Variants in HNRNPL observed in about 807,000 individuals in gnomAD.
HNRNPL encodes the protein heterogeneous nuclear ribonucleoprotein L, also known as epididymis secretory sperm binding protein.
In HNRNPL, 12 loss-of-function variants were observed where a neutral mutation model predicts 64.0. The ratio of observed to expected loss-of-function variants is 0.19; its 90% confidence interval spans 0.12 to 0.30. The LOEUF (loss-of-function observed/expected upper bound fraction) is 0.30. Ranked by LOEUF, HNRNPL falls within the 10% of genes least tolerant of loss-of-function variation. The probability of loss-of-function intolerance (pLI) is 1.00; values close to 1 mark genes in which losing one functional copy is unlikely to be tolerated. For synonymous variants in HNRNPL, 385 were observed against 313.0 expected (o/e 1.23, Z -2.43); for missense variants, 484 against 797.4 (o/e 0.61, Z 4.73).
chr19:38,837,568 CAAG>C, intron 11 of HNRNPL, 23 bp downstream of exon 11: 2 of 1,613,364 alleles, frequency 1.2e-6, no homozygotes, highest in Non-Finnish European at 1.7e-6. Context: ...GCAATTAGGG[CAAG>C]GAGGTGGGCA....
intron 12 of HNRNPL, chr19:38,837,031 AGCAACTGGGTGG>A (rs1358905777): frequency 3.7e-6 from 2 of 542,524 alleles, no homozygotes; most frequent in Non-Finnish European, 6.5e-6. Context: ...GGCCTCTCCC[AGCAACTGGGTGG>A]GCAAGTTTTA....
In HNRNPL at chr19:38,849,742, A is replaced by G. The variant is rs755424452; in HGVS notation, c.225T>C (p.Gly75=). The G allele has an allele frequency of 2.9e-6, 4 of 1,384,734 alleles. No homozygotes were observed. The highest frequency in any genetic ancestry group is 6.2e-5 in the East Asian group (2 of 32,464). 85.8% of individuals were successfully genotyped at this position (1,384,734 alleles called of 1,614,324 possible). A position where few individuals can be genotyped will look rare whatever the true frequency, so the allele number is the denominator to read the frequency against. Residue 75 remains glycine, a synonymous_variant, in exon 1 of 13, where the codon GGT becomes GGC. Coordinates refer to ENST00000221419, the MANE Select transcript of HNRNPL (RefSeq NM_001533.3). The stretch of plus-strand genomic sequence containing the variant: ...CCGCCGCCCCGGCTCCTCCACCGCC[A>G]CCGCCGCCGCCTCCGTGCTGGTCGC... ...NAGDQHGGGG[G]GGGGAGAAGG...
In HNRNPL at chr19:38,839,013, C is replaced by T; in HGVS notation, c.1236G>A (p.Val412=). The T allele has an allele frequency of 1.2e-6, 2 of 1,614,092 alleles. No individual in the cohort carries two copies. The highest frequency in any genetic ancestry group is 8.5e-7 in the Non-Finnish European group (1 of 1,179,994). Residue 412 remains valine, a splice_region_variant and synonymous_variant, in exon 9 of 13, where the codon GTG becomes GTA. Coordinates refer to ENST00000221419, the MANE Select transcript of HNRNPL (RefSeq NM_001533.3). ...VFCLYGNVEK[V]KFMKSKPGAA... is the part of the protein sequence containing the mutation. Reference sequence around the variant, plus strand: ...CCCCCGGCTTGCTTTTCATGAATTTCACCTTGGGGAGAGTAGCTGCAGTCA... The same window carrying T: ...CCCCCGGCTTGCTTTTCATGAATTTTACCTTGGGGAGAGTAGCTGCAGTCA...
intron 6 of HNRNPL, chr19:38,841,635 T>A: frequency 1.6e-6 from 2 of 1,283,428 alleles, no homozygotes; most frequent in Non-Finnish European, 2.0e-6. Flanking sequence ...CAACAGTGAG[T>A]TAGCACAGTT....
At position 38,838,998 on chromosome 19, in the gene HNRNPL, G is replaced by A. The variant is rs1191034570; in HGVS notation, c.1251C>T (p.Ser417=). The stretch of plus-strand genomic sequence containing the variant: ...TCTCCACCATGGCGGCCCCCGGCTT[G>A]CTTTTCATGAATTTCACCTTGGGGA... ...GNVEKVKFMK[S]KPGAAMVEMA... The change falls in exon 9 of 13, where the codon AGC becomes AGT. Residue 417 remains serine, a synonymous_variant. Transcript: ENST00000221419. 6.2e-7 allele frequency: 1 copy of A among 1,614,140 alleles called. No homozygotes were observed.
chr19:38,839,030 C>A lies in HNRNPL; in HGVS notation c.1234-15G>T. 3 of 1,613,810 alleles carry A rather than the reference C, an allele frequency of 1.9e-6. No individual in the cohort carries two copies. Among genetic ancestry groups the A allele is most frequent in the Middle Eastern group, 1.7e-4 (1 of 6,060 alleles). On this transcript the variant is annotated splice_polypyrimidine_tract_variant and intron_variant, in intron 8 of 12. Coordinates refer to ENST00000221419, the MANE Select transcript of HNRNPL (RefSeq NM_001533.3). Reference sequence around the variant, plus strand: ...ATGAATTTCACCTTGGGGAGAGTAGCTGCAGTCAGCACCTCTGTCCAGCTG... The same window carrying A: ...ATGAATTTCACCTTGGGGAGAGTAGATGCAGTCAGCACCTCTGTCCAGCTG...
At chr19:38,844,163 C>A in intron 4 of HNRNPL, 59 bp from the exon 5 acceptor site, 2 of 1,134,294 alleles carry the variant, frequency 1.8e-6, no homozygotes, top group Non-Finnish European at 2.7e-6. Context: ...CTTCAAGTTA[C>A]CCCAGAGTGT....
rs1384512016 is a variant in HNRNPL at position 38,840,465 on chromosome 19, G to A, written c.952+23C>T. 6 of 1,578,056 alleles carry A rather than the reference G, an allele frequency of 3.8e-6. No individual in the cohort carries two copies. The African/African-American group carries it at 4.1e-5, about 11-fold the overall frequency. On this transcript the variant is annotated intron_variant, in intron 7 of 12. Transcript: ENST00000221419. Reference sequence around the variant, plus strand: ...GGGCACATGAGCCACGGGAGTCCACGGAGGGGAACCCCCTGCCCTCACCAT... The same window carrying A: ...GGGCACATGAGCCACGGGAGTCCACAGAGGGGAACCCCCTGCCCTCACCAT...
chr19:38,850,560 A>G (rs1201366238), upstream of HNRNPL, among the ~76,000 whole-genome samples: 2 of 152,212 alleles, frequency 1.3e-5, no homozygotes, highest in Non-Finnish European at 2.9e-5. Flanking sequence ...GCCCCAGGGT[A>G]GGCGCTCTTT....
At position 38,840,362 on chromosome 19, in the gene HNRNPL, C is replaced by T. The variant is rs2145414387; in HGVS notation, c.967G>A (p.Gly323Arg). The change falls in exon 8 of 13, where the codon GGG becomes AGG. Residue 323 changes from glycine to arginine, a missense_variant. Around this residue, in one of 9 missense-constraint regions of HNRNPL, gnomAD observed 46 missense variants for 37.4 expected, o/e 1.23. Transcript: ENST00000221419. ...HPAEYGGPHG[G>R]YHSHYHDEGY... is the part of the protein sequence containing the mutation. The stretch of plus-strand genomic sequence containing the variant: ...TCATCATGGTAATGGCTGTGGTACC[C>T]ACCGTGGGGCCCTCCTGGGGGGTGG... The T allele has an allele frequency of 6.4e-7, 1 of 1,550,804 alleles. No homozygotes were observed. The highest frequency in any genetic ancestry group is 8.7e-7 in the Non-Finnish European group (1 of 1,149,216).
At chr19:38,840,745 G>A (rs900543042) in intron 6 of HNRNPL, 186 bp from the exon 7 acceptor site, 7 of 612,860 alleles carry the variant, frequency 1.1e-5, no homozygotes, top group Non-Finnish European at 2.0e-5. Context: ...CTCAAAGCTG[G>A]TGCCCACTCT....
At chr19:38,849,422 C>G (rs1324113248) in intron 1 of HNRNPL, 2 of 381,020 alleles carry the variant, frequency 5.2e-6, no homozygotes, top group East Asian at 3.9e-5. Flanking sequence ...GCCCGGCCCC[C>G]ACACGCCAGC....
chr19:38,848,876 TA>T (rs940157573), intron 1 of HNRNPL, among the ~76,000 whole-genome samples: 34 of 152,286 alleles, frequency 2.2e-4, no homozygotes, highest in African/African-American at 7.2e-4. Context: ...TAGCAACTCG[TA>T]ACCCCTAAAC....
chr19:38,837,121 G>C, intron 12 of HNRNPL: 1 of 562,160 alleles, frequency 1.8e-6, no homozygotes, highest in South Asian at 2.2e-5. Context: ...AGTCTCTGAT[G>C]CAAAGAAGAG....
At chr19:38,851,397 G>A (rs1341965949), upstream of HNRNPL, among the ~76,000 whole-genome samples, 1 of 152,212 alleles carries the variant, frequency 6.6e-6, no homozygotes, top group Non-Finnish European at 1.5e-5. Context: ...CCGTCCTACG[G>A]CATTTAACAT....
At chr19:38,848,542 G>A (rs1972382247) in intron 1 of HNRNPL, among the ~76,000 whole-genome samples, 1 of 152,202 alleles carries the variant, frequency 6.6e-6, no homozygotes, top group South Asian at 2.1e-4. Context: ...GGGCTCTGGG[G>A]CCGGCCCCCT....
rs866121798 is a variant in HNRNPL, at chr19:38,840,204, A to G, written c.1125T>C (p.Tyr375=). The change falls in exon 8 of 13, where the codon TAT becomes TAC. Residue 375 remains tyrosine, a synonymous_variant. Transcript: ENST00000221419. ...HPPPPPPPPE[Y]GPHADSPVLM... is the part of the protein sequence containing the mutation. Reference sequence around the variant, plus strand: ...GCACAGGGCTGTCGGCGTGAGGGCCATACTCGGGTGGTGGGGGAGGGGGTG... The same window carrying G: ...GCACAGGGCTGTCGGCGTGAGGGCCGTACTCGGGTGGTGGGGGAGGGGGTG... 2 of 710,580 alleles carry G rather than the reference A, an allele frequency of 2.8e-6. No individual in the cohort carries two copies. Among genetic ancestry groups the G allele is most frequent in the Non-Finnish European group, 4.5e-6 (2 of 439,616 alleles). The allele number at this position is 710,580 out of a possible 1,614,324, so 44.0% of individuals were successfully genotyped here. A position where few individuals can be genotyped will look rare whatever the true frequency, so the allele number is the denominator to read the frequency against.
upstream of HNRNPL, chr19:38,850,197 A>AC (rs1318329057): frequency 5.0e-6 from 2 of 398,430 alleles, no homozygotes; most frequent in East Asian, 3.7e-5. Flanking sequence ...CTTTCCGTCG[A>AC]CCCCGCCGCC....
upstream of HNRNPL, chr19:38,850,283 G>A (rs1461165426): frequency 1.3e-5 from 4 of 308,898 alleles, no homozygotes; most frequent in African/African-American, 8.6e-5. Flanking sequence ...TAGGAACGGC[G>A]CTCTAAACCT....
Sources: gnomAD v4.1 joint callset for allele counts (sites outside exome capture counted in the v4.1 genomes callset) on GRCh38, gnomAD v4.1.1 for gene constraint, gnomAD v4.1.1 regional missense constraint, MANE v1.5 for transcripts, NCBI Gene and HGNC (gene_info 2026-07-23, HGNC 2026-07-21) for gene names.